LRMDA: variants seen among roughly 807,000 people sequenced by gnomAD.
LRMDA encodes leucine-rich melanocyte differentiation-associated protein.
Under a neutral mutation model 29.8 loss-of-function variants are expected in LRMDA, and 18 were observed. The ratio of observed to expected loss-of-function variants is 0.60; its 90% CI spans 0.42 to 0.90. The LOEUF (loss-of-function observed/expected upper bound fraction) is 0.90, where lower values mean the gene tolerates loss of function less well. Ranked by LOEUF, LRMDA falls within the 40% of genes least tolerant of loss-of-function variation. The pLI is 0.00. For synonymous variants in LRMDA, 125 were observed against 109.4 expected (o/e 1.14, Z -0.89); for missense variants, 273 against 273.9 (o/e 1.00, Z 0.02).
chr10:75,791,707 G>C (rs777601827), intron 2 of LRMDA, among the ~76,000 whole-genome samples: 5 of 152,136 alleles, frequency 3.3e-5, no homozygotes, highest in South Asian at 4.1e-4. Context: ...GGCCCTTCCG[G>C]CCTCTCCATT....
intron 2 of LRMDA, among the ~76,000 whole-genome samples, chr10:75,817,856 G>A (rs908040662): frequency 1.1e-4 from 16 of 152,176 alleles, no homozygotes; most frequent in African/African-American, 2.7e-4. Flanking sequence ...AAGCAGGGAG[G>A]ATATTTCATT....
chr10:75,512,510 C>A (rs1438369154), intron 2 of LRMDA, among the ~76,000 whole-genome samples: 1 of 152,176 alleles, frequency 6.6e-6, no homozygotes, highest in Non-Finnish European at 1.5e-5. Context: ...AACAAAGGCA[C>A]TATTAATGTT....
At chr10:76,101,859 T>A (rs1849399896) in intron 5 of LRMDA, among the ~76,000 whole-genome samples, 1 of 152,232 alleles carries the variant, frequency 6.6e-6, no homozygotes, top group African/African-American at 2.4e-5. Context: ...ACATTTCCAT[T>A]GTTCCAAAGT....
intron 2 of LRMDA, among the ~76,000 whole-genome samples, chr10:75,562,078 G>A (rs1378434128): frequency 6.6e-6 from 1 of 151,682 alleles, no homozygotes; most frequent in Non-Finnish European, 1.5e-5. Flanking sequence ...TCAATTCCTG[G>A]GTATCCTTGT....
chr10:75,959,265 C>T (rs1846719675), intron 2 of LRMDA, among the ~76,000 whole-genome samples: 1 of 152,192 alleles, frequency 6.6e-6, no homozygotes, highest in Admixed American at 6.5e-5. Context: ...CCTGGTGCAG[C>T]AAGCCTGCTG....
At chr10:76,126,575 C>T (rs943349889) in intron 5 of LRMDA, among the ~76,000 whole-genome samples, 1 of 152,220 alleles carries the variant, frequency 6.6e-6, no homozygotes, top group Non-Finnish European at 1.5e-5. Context: ...CACTGCCTTT[C>T]TCCTCTCTAC....
intron 2 of LRMDA, among the ~76,000 whole-genome samples, chr10:75,986,353 C>T (rs1466628799): frequency 6.6e-6 from 1 of 152,218 alleles, no homozygotes; most frequent in Admixed American, 6.5e-5. Flanking sequence ...CCAGGATTGA[C>T]TTAGGTGTTT....
intron 2 of LRMDA, among the ~76,000 whole-genome samples, chr10:75,921,218 A>T (rs1846020578): frequency 6.6e-6 from 1 of 152,148 alleles, no homozygotes; most frequent in African/African-American, 2.4e-5. Flanking sequence ...AAATAGGTTT[A>T]TTTGTTGAGG....
At chr10:75,743,761 T>C (rs1249543957) in intron 2 of LRMDA, 1 of 152,200 alleles carries the variant, frequency 6.6e-6, no homozygotes, top group Non-Finnish European at 1.5e-5. Context: ...ATGGCGATGG[T>C]AGTTTGAAAG....
chr10:76,546,406 C>A (rs1405720977), intron 6 of LRMDA, among the ~76,000 whole-genome samples: 2 of 152,208 alleles, frequency 1.3e-5, no homozygotes, highest in Non-Finnish European at 2.9e-5. Context: ...GTGAAACTGA[C>A]TTTGCTTTTA....
At chr10:76,154,388 A>T (rs766052958) in intron 5 of LRMDA, among the ~76,000 whole-genome samples, 1 of 152,232 alleles carries the variant, frequency 6.6e-6, no homozygotes, top group Non-Finnish European at 1.5e-5. Flanking sequence ...TCAGAATGAC[A>T]ATTAGAGCAT....
At chr10:75,553,866 A>T (rs1840183009) in intron 2 of LRMDA, among the ~76,000 whole-genome samples, 1 of 152,054 alleles carries the variant, frequency 6.6e-6, no homozygotes, top group African/African-American at 2.4e-5. Context: ...TCTTGTGAGC[A>T]CCATGGGGAA....
intron 4 of LRMDA, among the ~76,000 whole-genome samples, chr10:76,054,282 G>C (rs1474822432): frequency 6.6e-6 from 1 of 152,066 alleles, no homozygotes; most frequent in Non-Finnish European, 1.5e-5. Context: ...GGAAACCCAG[G>C]CTGGCCCACG....
At chr10:76,414,468 T>G (rs1020660677) in intron 6 of LRMDA, among the ~76,000 whole-genome samples, 2 of 152,204 alleles carry the variant, frequency 1.3e-5, no homozygotes, top group African/African-American at 4.8e-5. Flanking sequence ...CTACAAGTGC[T>G]GGGCCTGGGC....
chr10:76,219,347 A>G (rs11001696), intron 5 of LRMDA, among the ~76,000 whole-genome samples: 6,602 of 152,284 alleles, frequency 0.043, 466 homozygotes, highest in African/African-American at 0.15. Flanking sequence ...GAGACCCATC[A>G]GTGTGCTGTA....
chr10:76,031,516 G>A (rs953082783), intron 2 of LRMDA, among the ~76,000 whole-genome samples: 11 of 152,028 alleles, frequency 7.2e-5, no homozygotes, highest in African/African-American at 1.7e-4. Flanking sequence ...AGGCAGTACC[G>A]AGCCCTCACT....
chr10:76,154,359 GA>G (rs1564668860), intron 5 of LRMDA, among the ~76,000 whole-genome samples: 1 of 152,170 alleles, frequency 6.6e-6, no homozygotes, highest in Non-Finnish European at 1.5e-5. Context: ...GTGAGAAAAT[GA>G]GATAAAAAAT....
chr10:76,353,672 A>C (rs1841205802), intron 6 of LRMDA, among the ~76,000 whole-genome samples: 1 of 152,142 alleles, frequency 6.6e-6, no homozygotes, highest in Non-Finnish European at 1.5e-5. Flanking sequence ...CATTAATCAC[A>C]GTGCACAGTC....
At chr10:75,791,690 T>G (rs1047386183) in intron 2 of LRMDA, among the ~76,000 whole-genome samples, 2 of 152,178 alleles carry the variant, frequency 1.3e-5, no homozygotes, top group African/African-American at 4.8e-5. Context: ...ATCTTTCTAA[T>G]AATTCAGGCC....
Sources: gnomAD v4.1 joint callset for allele counts (sites outside exome capture counted in the v4.1 genomes callset) on GRCh38, gnomAD v4.1.1 for gene constraint, MANE v1.5 for transcripts, NCBI Gene and HGNC (gene_info 2026-07-23, HGNC 2026-07-21) for gene names.